Variants in GFPT2 observed in about 807,000 individuals in gnomAD.
GFPT2 encodes glutamine--fructose-6-phosphate transaminase 2, also known as glutamine--fructose-6-phosphate aminotransferase [isomerizing] 2.
In GFPT2, 62 loss-of-function variants were observed where a neutral mutation model predicts 85.6. The observed-to-expected ratio is 0.72, with a 90% CI of 0.59 to 0.90. The LOEUF is 0.90. GFPT2 is among the 40% of genes least tolerant of loss of function. GFPT2 has a pLI of 0.00. For synonymous variants in GFPT2, 368 were observed against 344.5 expected (o/e 1.07, Z -0.75); for missense variants, 788 against 893.4 (o/e 0.88, Z 1.50).
intron 17 of GFPT2, 32 bp from the exon 18 acceptor site, chr5:180,302,616 C>A: frequency 6.3e-7 from 1 of 1,575,850 alleles, no homozygotes; most frequent in Non-Finnish European, 8.7e-7. Context: ...ATAAAATAGA[C>A]CCTCTCTGAA....
At chr5:180,337,127 G>A (rs1456385510) in intron 2 of GFPT2, among the ~76,000 whole-genome samples, 1 of 152,220 alleles carries the variant, frequency 6.6e-6, no homozygotes, top group Non-Finnish European at 1.5e-5. Context: ...ACCCAGCGGA[G>A]CATTGTGTAG....
chr5:180,351,713 C>G (rs1248387306), intron 1 of GFPT2, among the ~76,000 whole-genome samples: 5 of 152,112 alleles, frequency 3.3e-5, no homozygotes, highest in Admixed American at 1.3e-4. Context: ...ATTTTGTGAG[C>G]TGGAGGAGGT....
In GFPT2 at chr5:180,352,320, T is replaced by C. The variant is rs867372113; in HGVS notation, c.7+891A>G. ...TCCAGCCACAGGAGGCTGGAATGGG[T>C]AACCGAATCCTACTCAAGGAAAAAA... is the stretch of plus-strand genomic sequence containing the variant. On this transcript the variant is annotated intron_variant, in intron 1 of 18. Coordinates refer to ENST00000253778, the MANE Select transcript of GFPT2 (RefSeq NM_005110.4). The C allele has an allele frequency of 4.9e-5, 18 of 367,876 alleles. 1 individual carries two copies. In the Middle Eastern group the frequency reaches 8.7e-3, roughly 177 times the overall value. 22.8% of individuals were successfully genotyped at this position (367,876 alleles called of 1,614,324 possible). A position where few individuals can be genotyped will look rare whatever the true frequency, so the allele number is the denominator to read the frequency against.
chr5:180,347,236 A>G lies in GFPT2; in HGVS notation c.7+5975T>C, dbSNP rs111398960. On this transcript the variant is annotated intron_variant, in intron 1 of 18. Transcript: ENST00000253778. Reference sequence around the variant, plus strand: ...GATACAGGAGCCTGGAGATCTTTCTAAAGAAAAGGAGCACTTTGCAACCTC... The same window carrying G: ...GATACAGGAGCCTGGAGATCTTTCTGAAGAAAAGGAGCACTTTGCAACCTC... Among the ~76,000 whole-genome samples the G allele has an allele frequency of 1.3e-3, 198 of 152,236 alleles. 1 individual carries two copies. The highest frequency in any genetic ancestry group is 2.1e-3 in the Non-Finnish European group (140 of 68,034).
chr5:180,306,092 C>T (rs141756881), intron 16 of GFPT2, among the ~76,000 whole-genome samples: 42 of 151,126 alleles, frequency 2.8e-4, no homozygotes, highest in African/African-American at 9.5e-4. Flanking sequence ...TCAAGCGATT[C>T]TCCTGCCTCA....
chr5:180,342,953 A>C (rs1012967699), intron 1 of GFPT2, among the ~76,000 whole-genome samples: 5 of 152,098 alleles, frequency 3.3e-5, no homozygotes, highest in African/African-American at 1.2e-4. Flanking sequence ...ACAACCAGAA[A>C]GTTCCCTGTG....
At chr5:180,335,132 G>A (rs1448450038) in intron 4 of GFPT2, among the ~76,000 whole-genome samples, 3 of 152,230 alleles carry the variant, frequency 2.0e-5, no homozygotes, top group Admixed American at 2.0e-4. Flanking sequence ...GTGCTCCAAC[G>A]TGCTGTCAGC....
Position 180,312,425 on chromosome 5 carries a change from C to T in GFPT2, c.1546+5G>A, listed in dbSNP as rs932280919. 1 of 1,464,024 alleles carries T rather than the reference C, an allele frequency of 6.8e-7. No individual in the cohort carries two copies. Among genetic ancestry groups the T allele is most frequent in the South Asian group, 1.1e-5 (1 of 88,046 alleles). The allele number at this position is 1,464,024 out of a possible 1,614,324, so 90.7% of individuals were successfully genotyped here. A position where few individuals can be genotyped will look rare whatever the true frequency, so the allele number is the denominator to read the frequency against. ...AAACATGGAAAGCTGAATTCTAGAA[C>T]ATACCAGGTAAAGATCTCAAGCCAC... On this transcript the variant is annotated splice_donor_5th_base_variant and intron_variant, in intron 15 of 18. Transcript: ENST00000253778.
Position 180,302,532 on chromosome 5 carries a change from G to A in GFPT2, c.1895C>T (p.Ala632Val), listed in dbSNP as rs1220761261. ...GTGGGGCAGCTCAATTGTCTTATAC[G>A]CAAACTTGGAACTTTCAGTATCGTC... ...SKDDTESSKF[A>V]YKTIELPHTV... The change falls in exon 18 of 19, where the codon GCG (alanine) becomes GTG (valine). Residue 632 changes from alanine to valine, a missense_variant. Ala to Val is a moderately conservative substitution (Grantham distance 64, BLOSUM62 0). Coordinates refer to ENST00000253778, the MANE Select transcript of GFPT2 (RefSeq NM_005110.4). 6.2e-7 allele frequency: 1 copy of A among 1,613,716 alleles called. No homozygotes were observed. Among genetic ancestry groups the A allele is most frequent in the Non-Finnish European group, 8.5e-7 (1 of 1,179,656 alleles).
intron 16 of GFPT2, among the ~76,000 whole-genome samples, chr5:180,306,479 C>G (rs559672504): frequency 3.0e-4 from 45 of 152,358 alleles, no homozygotes; most frequent in Non-Finnish European, 2.6e-4. Context: ...GATGCAGGAC[C>G]CTGCACGGCT....
intron 1 of GFPT2, among the ~76,000 whole-genome samples, chr5:180,345,865 ACAGAGGCAGGAGGTCC>A (rs1197497663): frequency 3.3e-5 from 5 of 152,210 alleles, no homozygotes; most frequent in Non-Finnish European, 7.3e-5. Context: ...CAAGAGGGAC[ACAGAGGCAGGAGGTCC>A]CTGAGTGCCA....
Position 180,318,023 on chromosome 5 carries a change from G to A in GFPT2, c.958+770C>T, listed in dbSNP as rs1458707662. On this transcript the variant is annotated intron_variant, in intron 10 of 18. Coordinates refer to ENST00000253778, the MANE Select transcript of GFPT2 (RefSeq NM_005110.4). The surrounding 1 kb of genome is among the most constrained non-coding windows in gnomAD (Gnocchi z 4.2). ...CAAATGAAGCAAGTGAGGGGAATGA[G>A]GGGTGGCCACCATAGGGGAGGGGCT... Among the ~76,000 whole-genome samples, 9 of 152,196 alleles carry A rather than the reference G, an allele frequency of 5.9e-5. No homozygotes were observed. Among genetic ancestry groups the A allele is most frequent in the Non-Finnish European group, 1.2e-4 (8 of 68,036 alleles).
intron 7 of GFPT2, among the ~76,000 whole-genome samples, chr5:180,325,979 C>T (rs1364637079): frequency 1.3e-5 from 2 of 152,128 alleles, no homozygotes; most frequent in African/African-American, 2.4e-5. Context: ...GAGCCGAGAT[C>T]GTGCCACTGC....
At chr5:180,308,041 G>C (rs1417880966) in intron 15 of GFPT2, among the ~76,000 whole-genome samples, 1 of 152,196 alleles carries the variant, frequency 6.6e-6, no homozygotes, top group East Asian at 1.9e-4. Flanking sequence ...CGGATCACGA[G>C]GTCAGGAGAT....
At chr5:180,315,283 T>C (rs1363579769) in intron 13 of GFPT2, among the ~76,000 whole-genome samples, 1 of 151,930 alleles carries the variant, frequency 6.6e-6, no homozygotes, top group African/African-American at 2.4e-5. Flanking sequence ...GTTCACGCCA[T>C]TCTCCTGCCT....
chr5:180,315,874 C>T (rs1428014132), intron 13 of GFPT2, among the ~76,000 whole-genome samples: 2 of 152,234 alleles, frequency 1.3e-5, no homozygotes, highest in African/African-American at 2.4e-5. Context: ...ACACCTCCCC[C>T]TGCTGGGCAG....
intron 1 of GFPT2, among the ~76,000 whole-genome samples, chr5:180,343,304 C>T (rs970143560): frequency 2.6e-5 from 4 of 152,224 alleles, no homozygotes; most frequent in Non-Finnish European, 4.4e-5. Flanking sequence ...CGGCACGCTC[C>T]GCAAGGCACC....
At chr5:180,325,893 G>C (rs1764203323) in intron 7 of GFPT2, among the ~76,000 whole-genome samples, 1 of 152,060 alleles carries the variant, frequency 6.6e-6, no homozygotes, top group African/African-American at 2.4e-5. Flanking sequence ...GGCATGGTGG[G>C]GGGTGCCTGT....
chr5:180,320,933 A>G (rs1038060145), intron 9 of GFPT2, among the ~76,000 whole-genome samples: 3 of 152,264 alleles, frequency 2.0e-5, no homozygotes, highest in African/African-American at 7.2e-5. Context: ...GAAAGATGGC[A>G]AGCCACTGTA....
Sources: allele counts gnomAD v4.1 joint callset (sites outside exome capture counted in the v4.1 genomes callset), GRCh38; gene constraint gnomAD v4.1.1; non-coding constraint Gnocchi (gnomAD v3.1); transcripts MANE v1.5; gene names NCBI Gene and HGNC (gene_info 2026-07-23, HGNC 2026-07-21).